The following UGT1A4 variants were observed in gnomAD, a reference collection of about 807,000 sequenced individuals.
UGT1A4 encodes the protein UDP glucuronosyltransferase family 1 member A4, also known as UDP-glucuronosyltransferase 1A4.
Under a neutral mutation model 41.1 loss-of-function variants are expected in UGT1A4, and 32 were observed. The ratio of observed to expected loss-of-function variants is 0.78; its 90% CI spans 0.59 to 1.05. UGT1A4 has a LOEUF of 1.05. UGT1A4 is among the 50% of genes least tolerant of loss of function. The pLI, the probability that UGT1A4 is intolerant of heterozygous loss-of-function variation, is 0.00. For missense variants in UGT1A4, 748 were observed against 677.4 expected (o/e 1.10, Z -1.16); for synonymous variants, 283 against 265.1 (o/e 1.07, Z -0.66).
chr2:233,751,502 G>T (rs1015716404), intron 1 of UGT1A4, among the ~76,000 whole-genome samples: 2 of 152,208 alleles, frequency 1.3e-5, no homozygotes, highest in South Asian at 2.1e-4. Context: ...AGATTTGGGA[G>T]GGGCCAGAGG....
At chr2:233,729,650 A>G in intron 1 of UGT1A4, 2 of 1,613,870 alleles carry the variant, frequency 1.2e-6, no homozygotes, top group Non-Finnish European at 1.7e-6. Context: ...TTTTTGAGGA[A>G]CATTCCATGT....
At chr2:233,748,399 G>C (rs1575689614) in intron 1 of UGT1A4, among the ~76,000 whole-genome samples, 1 of 151,790 alleles carries the variant, frequency 6.6e-6, no homozygotes, top group African/African-American at 2.4e-5. Flanking sequence ...AAGGAGCAGG[G>C]ACACTACATT....
In UGT1A4 at chr2:233,761,113, G is replaced by C. The variant is rs72551345; in HGVS notation, c.868-5921G>C. 5.6e-6 allele frequency: 9 copies of C among 1,614,106 alleles called. No homozygotes were observed. In the South Asian group the frequency reaches 9.9e-5, roughly 18 times the overall value. ...CATCATGCCCAATATGGTTTTTGTT[G>C]GTGGAATCAACTGCCTTCACCAAAA... On this transcript the variant is annotated intron_variant, in intron 1 of 4. Coordinates refer to ENST00000373409, the MANE Select transcript of UGT1A4 (RefSeq NM_007120.3).
chr2:233,772,622 C>A lies in UGT1A4; in HGVS notation c.*63C>A, dbSNP rs894885863. 5 of 1,567,432 alleles carry A rather than the reference C, an allele frequency of 3.2e-6. No homozygotes were observed. The highest frequency in any genetic ancestry group is 3.5e-6 in the Non-Finnish European group (4 of 1,155,382). ...CCCTAGTCATTTCCAAACTTGAAAA[C>A]AGAATCAGTGTTAAATTCATTTTAT... On this transcript the variant is annotated 3_prime_UTR_variant, in exon 5 of 5. Transcript: ENST00000373409.
intron 4 of UGT1A4, 47 bp downstream of exon 4, chr2:233,768,486 T>A: frequency 1.3e-6 from 2 of 1,583,238 alleles, no homozygotes; most frequent in East Asian, 2.3e-5. Context: ...GCATTCATGA[T>A]AAAATTGTTT....
At chr2:233,761,102 T>C (rs1487885628) in intron 1 of UGT1A4, 1 of 1,614,116 alleles carries the variant, frequency 6.2e-7, no homozygotes, top group Admixed American at 1.7e-5. Context: ...ATGCCCAATA[T>C]GGTTTTTGTT....
intron 1 of UGT1A4, among the ~76,000 whole-genome samples, chr2:233,750,999 T>G (rs560264893): frequency 6.6e-6 from 1 of 151,774 alleles, no homozygotes; most frequent in Non-Finnish European, 1.5e-5. Flanking sequence ...GCCACCATCC[T>G]CCAGAATCCC....
At chr2:233,743,099 A>T (rs1692202324) in intron 1 of UGT1A4, 1 of 352,144 alleles carries the variant, frequency 2.8e-6, no homozygotes, top group Non-Finnish European at 5.6e-6. Flanking sequence ...ATTCTTGGGT[A>T]CAGCTGTTCT....
intron 1 of UGT1A4, among the ~76,000 whole-genome samples, chr2:233,726,781 C>T (rs2077561250): frequency 6.6e-6 from 1 of 152,176 alleles, no homozygotes; most frequent in Non-Finnish European, 1.5e-5. Context: ...TAAAGTGAAA[C>T]CCACATCTTA....
intron 1 of UGT1A4, chr2:233,753,507 T>C (rs1224200791): frequency 6.6e-6 from 1 of 152,242 alleles, no homozygotes; most frequent in African/African-American, 2.4e-5. Context: ...TCAGCCTGTC[T>C]AGTTGTTGCC....
intron 1 of UGT1A4, chr2:233,743,992 A>G: frequency 1.6e-6 from 2 of 1,255,210 alleles, no homozygotes; most frequent in South Asian, 1.3e-5. Context: ...CGCAGGCCCG[A>G]GTGCTCGGAG....
At chr2:233,725,206 A>AGGC (rs1165948613) in intron 1 of UGT1A4, among the ~76,000 whole-genome samples, 4 of 91,688 alleles carry the variant, frequency 4.4e-5, no homozygotes, top group Admixed American at 9.5e-5. Context: ...GCAGAGGCAG[A>AGGC]GGCAGAGGCA....
intron 1 of UGT1A4, chr2:233,761,067 T>C (rs1431222562): frequency 6.2e-7 from 1 of 1,614,228 alleles, no homozygotes; most frequent in African/African-American, 1.3e-5. Flanking sequence ...GAAGTGACTT[T>C]GTGAAGGATT....
At chr2:233,757,944 T>C (rs1201251132) in intron 1 of UGT1A4, among the ~76,000 whole-genome samples, 1 of 152,112 alleles carries the variant, frequency 6.6e-6, no homozygotes, top group Non-Finnish European at 1.5e-5. Context: ...ACCATCATAT[T>C]GCTGCCCTGC....
rs1033838664 is a variant in UGT1A4 at position 233,759,586 on chromosome 2, C to T, written c.868-7448C>T. On this transcript the variant is annotated intron_variant, in intron 1 of 4. Transcript: ENST00000373409. ...TCTGGTCATTCTCTACCCCAGCACG[C>T]CCCCCACCCCCGACCCGCCCCACCC... is the stretch of plus-strand genomic sequence containing the variant. 1.1e-4 allele frequency among the ~76,000 whole-genome samples: 16 copies of T among 147,554 alleles called. No homozygotes were observed. In the South Asian group the frequency reaches 2.0e-3, roughly 18 times the overall value.
chr2:233,759,153 G>C (rs1244080154), intron 1 of UGT1A4, among the ~76,000 whole-genome samples: 1 of 152,246 alleles, frequency 6.6e-6, no homozygotes, highest in African/African-American at 2.4e-5. Flanking sequence ...GAGTTCCACA[G>C]AACACAAGGC....
At position 233,767,727 on chromosome 2, in the gene UGT1A4, T is replaced by C. The variant is rs28946890; in HGVS notation, c.1000-122T>C. The C allele has an allele frequency of 9.9e-4, 1,538 of 1,556,204 alleles. 17 individuals are homozygous for C. In the African/African-American group the frequency reaches 0.019, roughly 19 times the overall value. ...CCTCAGAAGCCTTCACAGTTACTGA[T>C]CCTCCCACTCTGTTAAAGACTGTTC... On this transcript the variant is annotated intron_variant, in intron 2 of 4. Coordinates refer to ENST00000373409, the MANE Select transcript of UGT1A4 (RefSeq NM_007120.3).
chr2:233,769,491 G>A lies in UGT1A4; in HGVS notation c.1307+1052G>A. 1 of 1,612,664 alleles carries A rather than the reference G, an allele frequency of 6.2e-7. No individual in the cohort carries two copies. The highest frequency in any genetic ancestry group is 8.5e-7 in the Non-Finnish European group (1 of 1,179,770). On this transcript the variant is annotated intron_variant, in intron 4 of 4. Coordinates refer to ENST00000373409, the MANE Select transcript of UGT1A4 (RefSeq NM_007120.3). This position sits in a 1 kb window ranked among gnomAD's most constrained non-coding sequence, Gnocchi z 4.4. Reference sequence around the variant, plus strand: ...TGTGTGTGTGTGTGCGTGTGTTTATGAGAGTGTCCATTGCTTTCTCCCATG... The same window carrying A: ...TGTGTGTGTGTGTGCGTGTGTTTATAAGAGTGTCCATTGCTTTCTCCCATG...
At chr2:233,724,244 G>A (rs2077194489) in intron 1 of UGT1A4, among the ~76,000 whole-genome samples, 1 of 128,296 alleles carries the variant, frequency 7.8e-6, no homozygotes, top group Non-Finnish European at 1.7e-5. Flanking sequence ...GCCGGGCAGA[G>A]GCGCCCCTCA....
Sources: gnomAD v4.1 joint callset for allele counts (sites outside exome capture counted in the v4.1 genomes callset) on GRCh38, gnomAD v4.1.1 for gene constraint, Gnocchi (gnomAD v3.1) non-coding constraint, MANE v1.5 for transcripts, NCBI Gene and HGNC (gene_info 2026-07-23, HGNC 2026-07-21) for gene names.